FBXO11: variants seen among roughly 807,000 people sequenced by gnomAD.
The protein encoded by FBXO11 is F-box protein 11, also known as F-box only protein 11.
In FBXO11, 13 loss-of-function variants were observed where a neutral mutation model predicts 117.0. That is an observed-to-expected ratio of 0.11 (90% CI 0.07 to 0.18). The LOEUF (loss-of-function observed/expected upper bound fraction) is 0.18. Among genes scored for constraint, FBXO11 ranks in the 10% least tolerant of loss-of-function variants. The pLI is 1.00. For missense variants in FBXO11, 767 were observed against 1,164.4 expected (o/e 0.66, Z 4.97); for synonymous variants, 490 against 380.5 (o/e 1.29, Z -3.35).
At chr2:47,889,496 T>A (rs17037038) in intron 1 of FBXO11, among the ~76,000 whole-genome samples, 22,835 of 152,168 alleles carry the variant, frequency 0.15, 1,867 homozygotes, top group Non-Finnish European at 0.18. Flanking sequence ...TCCGACAACT[T>A]ATCAAGTGAG....
intron 1 of FBXO11, among the ~76,000 whole-genome samples, chr2:47,851,394 C>A (rs891095149): frequency 6.6e-6 from 1 of 151,890 alleles, no homozygotes; most frequent in African/African-American, 2.4e-5. Context: ...CCACGCGTGG[C>A]TAATTTTTGT....
At chr2:47,889,579 T>C (rs1281299622) in intron 1 of FBXO11, among the ~76,000 whole-genome samples, 1 of 152,260 alleles carries the variant, frequency 6.6e-6, no homozygotes, top group African/African-American at 2.4e-5. Context: ...AAAAAATGGT[T>C]ATTACTTATT....
chr2:47,808,321 C>CT lies in FBXO11; in HGVS notation c.2654+7dup, dbSNP rs1364847720. On this transcript the variant is annotated splice_region_variant and intron_variant, in intron 22 of 22. Coordinates refer to ENST00000403359, the MANE Select transcript of FBXO11 (RefSeq NM_001190274.2). ...TTGGGTAATATATCAAGCAAGTGTG[C>CT]TACATACCTATCATGTCTAATAAAC... is the stretch of plus-strand genomic sequence containing the variant. The CT allele has an allele frequency of 6.2e-7, 1 of 1,612,056 alleles. No individual in the cohort carries two copies. The highest frequency in any genetic ancestry group is 8.5e-7 in the Non-Finnish European group (1 of 1,179,094).
intron 1 of FBXO11, among the ~76,000 whole-genome samples, chr2:47,899,161 CTA>C: frequency 1.3e-5 from 2 of 151,274 alleles, no homozygotes; most frequent in Non-Finnish European, 2.9e-5. Context: ...GTAGTCCCAG[CTA>C]CTCAGGAGGC....
At chr2:47,866,032 A>T (rs538968729) in intron 1 of FBXO11, 1 of 152,134 alleles carries the variant, frequency 6.6e-6, no homozygotes, top group African/African-American at 2.4e-5. Flanking sequence ...AGGAAGAATC[A>T]CTTGCAGCCA....
At chr2:47,841,463 A>C (rs1168795798) in intron 1 of FBXO11, among the ~76,000 whole-genome samples, 1 of 152,172 alleles carries the variant, frequency 6.6e-6, no homozygotes, top group Non-Finnish European at 1.5e-5. Flanking sequence ...TATATCTCCT[A>C]TACCACTACC....
chr2:47,839,824 T>G (rs1008937401), intron 1 of FBXO11, 55 bp from the exon 2 acceptor site: 1 of 1,529,176 alleles, frequency 6.5e-7, no homozygotes, highest in African/African-American at 1.4e-5. Context: ...AAAAGTTCTA[T>G]GGATACAGAA....
chr2:47,901,863 T>C (rs910168349), intron 1 of FBXO11, among the ~76,000 whole-genome samples: 2 of 152,162 alleles, frequency 1.3e-5, no homozygotes, highest in Non-Finnish European at 2.9e-5. Context: ...ACAAAACAAA[T>C]ATCAAAAATC....
At chr2:47,858,525 T>C (rs142231660) in intron 1 of FBXO11, among the ~76,000 whole-genome samples, 1,828 of 149,234 alleles carry the variant, frequency 0.012, 27 homozygotes, top group African/African-American at 0.04. Flanking sequence ...CTACTAAAAA[T>C]ACAAAAATTA....
In FBXO11 at chr2:47,905,572, TGCGGCGGCG is replaced by T. The variant is rs1324822756; in HGVS notation, c.140_148del (p.Pro47_Pro49del). The stretch of plus-strand genomic sequence containing the variant: ...CGGAGGCTGCTGCTGCTGCTGCTGC[TGCGGCGGCG>T]GCGGAGGCTGCTGCTGGGGCGGCTG... On this transcript the variant is annotated inframe_deletion, in exon 1 of 23. Transcript: ENST00000403359. The T allele has an allele frequency of 1.6e-5, 19 of 1,192,950 alleles. No homozygotes were observed. The Admixed American group carries it at 3.0e-4, about 19-fold the overall frequency. 73.9% of individuals were successfully genotyped at this position (1,192,950 alleles called of 1,614,324 possible). A position where few individuals can be genotyped will look rare whatever the true frequency, so the allele number is the denominator to read the frequency against.
intron 1 of FBXO11, chr2:47,888,609 C>G (rs1347687897): frequency 1.1e-6 from 1 of 908,282 alleles, no homozygotes; most frequent in African/African-American, 1.8e-5. Flanking sequence ...TTCAACCACT[C>G]TGAAAGGTTA....
chr2:47,843,062 T>C (rs1558434465), intron 1 of FBXO11, among the ~76,000 whole-genome samples: 1 of 152,210 alleles, frequency 6.6e-6, no homozygotes, highest in Non-Finnish European at 1.5e-5. Context: ...GATGAGATTA[T>C]TATAGCTGTG....
At chr2:47,849,033 G>A (rs1256546492) in intron 1 of FBXO11, among the ~76,000 whole-genome samples, 1 of 152,080 alleles carries the variant, frequency 6.6e-6, no homozygotes, top group Non-Finnish European at 1.5e-5. Context: ...GGAAACTTAG[G>A]CAAATCTGTG....
chr2:47,896,886 G>C (rs1441790566), intron 1 of FBXO11, among the ~76,000 whole-genome samples: 3 of 152,120 alleles, frequency 2.0e-5, no homozygotes, highest in East Asian at 3.9e-4. Flanking sequence ...TCAAAATATA[G>C]TGCCTTACTC....
intron 11 of FBXO11, among the ~76,000 whole-genome samples, chr2:47,830,878 C>T (rs1344125101): frequency 6.6e-6 from 1 of 152,092 alleles, no homozygotes; most frequent in Non-Finnish European, 1.5e-5. Context: ...TGGCTCACTG[C>T]AACCTCCGTC....
chr2:47,905,493 C>T lies in FBXO11; in HGVS notation c.228G>A (p.Glu76=). 2 of 1,230,396 alleles carry T rather than the reference C, an allele frequency of 1.6e-6. No homozygotes were observed. The highest frequency in any genetic ancestry group is 2.0e-6 in the Non-Finnish European group (2 of 987,368). 76.2% of individuals were successfully genotyped at this position (1,230,396 alleles called of 1,614,324 possible). ...TGGGAGGTAGCGCGGCCTTACCCCGCTCGCCGACGTTGTTCCGCTCCTGAG... is the reference window on the plus strand; with the variant it reads ...TGGGAGGTAGCGCGGCCTTACCCCGTTCGCCGACGTTGTTCCGCTCCTGAG... ...PLPQERNNVG[E]RDDDVPADMV... is the part of the protein sequence containing the mutation. The change falls in exon 1 of 23, where the codon GAG becomes GAA. Residue 76 remains glutamate (E), a synonymous_variant. Coordinates refer to ENST00000403359, the MANE Select transcript of FBXO11 (RefSeq NM_001190274.2).
chr2:47,853,990 C>T (rs936456636), intron 1 of FBXO11, among the ~76,000 whole-genome samples: 2 of 152,170 alleles, frequency 1.3e-5, no homozygotes, highest in African/African-American at 4.8e-5. Context: ...CAAGTGCTGA[C>T]CACAGATAAA....
intron 1 of FBXO11, among the ~76,000 whole-genome samples, chr2:47,851,759 A>G (rs1257119336): frequency 6.6e-6 from 1 of 152,228 alleles, no homozygotes; most frequent in Non-Finnish European, 1.5e-5. Flanking sequence ...CATAATATTT[A>G]GAAATTTCTA....
chr2:47,865,662 T>C (rs554752488), intron 1 of FBXO11: 2 of 152,330 alleles, frequency 1.3e-5, no homozygotes, highest in South Asian at 4.2e-4. Context: ...TTTTAATTAA[T>C]AGTCATACAA....
Sources: allele counts gnomAD v4.1 joint callset (sites outside exome capture counted in the v4.1 genomes callset), GRCh38; gene constraint gnomAD v4.1.1; transcripts MANE v1.5; gene names NCBI Gene and HGNC (gene_info 2026-07-23, HGNC 2026-07-21).